Variants in OSBP2 observed in about 807,000 individuals in gnomAD.
OSBP2 encodes the protein oxysterol-binding protein 2.
Under a neutral mutation model 96.0 loss-of-function variants are expected in OSBP2, and 66 were observed. That is an observed-to-expected ratio of 0.69 (90% CI 0.56 to 0.84). OSBP2 has a LOEUF of 0.84. Ranked by LOEUF, OSBP2 falls within the 40% of genes least tolerant of loss-of-function variation. The probability of loss-of-function intolerance (pLI) is 0.00; values close to 1 mark genes in which losing one functional copy is unlikely to be tolerated. For synonymous variants in OSBP2, 525 were observed against 520.9 expected (o/e 1.01, Z -0.11); for missense variants, 1,038 against 1,222.7 (o/e 0.85, Z 2.25).
In OSBP2 at chr22:30,907,386, T is replaced by C. The variant is rs1016798542; in HGVS notation, c.*1047T>C. On this transcript the variant is annotated 3_prime_UTR_variant, in exon 14 of 14. Transcript: ENST00000332585. Reference sequence around the variant, plus strand: ...ATTTTGCTTAAATTTCTACAGTATGTAAAAGTGAAAAAATGATGAAGACGG... The same window carrying C: ...ATTTTGCTTAAATTTCTACAGTATGCAAAAGTGAAAAAATGATGAAGACGG... 6.7e-6 allele frequency: 1 copy of C among 148,498 alleles called. No individual in the cohort carries two copies. Among genetic ancestry groups the C allele is most frequent in the East Asian group, 1.9e-4 (1 of 5,186 alleles). The allele number at this position is 148,498 out of a possible 1,614,324, so 9.2% of individuals were successfully genotyped here. A position where few individuals can be genotyped will look rare whatever the true frequency, so the allele number is the denominator to read the frequency against.
chr22:30,901,960 T>A (rs1046175721), intron 12 of OSBP2, among the ~76,000 whole-genome samples: 1 of 152,142 alleles, frequency 6.6e-6, no homozygotes, highest in Non-Finnish European at 1.5e-5. Flanking sequence ...ACAGGACTTA[T>A]GCATGAGACT....
intron 2 of OSBP2, among the ~76,000 whole-genome samples, chr22:30,822,903 C>A (rs1015032178): frequency 1.3e-5 from 2 of 152,204 alleles, no homozygotes; most frequent in Non-Finnish European, 2.9e-5. Flanking sequence ...TTGCTTCACG[C>A]GCGGGGCATT....
chr22:30,806,414 G>A (rs574558672), intron 2 of OSBP2, among the ~76,000 whole-genome samples: 1 of 152,186 alleles, frequency 6.6e-6, no homozygotes, highest in Non-Finnish European at 1.5e-5. Context: ...CTGGTGTCAG[G>A]TACCTTCCCT....
At chr22:30,778,333 ACC>A (rs1555912376) in intron 2 of OSBP2, among the ~76,000 whole-genome samples, 5 of 148,800 alleles carry the variant, frequency 3.4e-5, no homozygotes, top group African/African-American at 1.0e-4. Flanking sequence ...ACACACACAC[ACC>A]CACTGACAGC....
At chr22:30,904,752 G>A (rs2040291842) in intron 12 of OSBP2, among the ~76,000 whole-genome samples, 1 of 152,080 alleles carries the variant, frequency 6.6e-6, no homozygotes, top group African/African-American at 2.4e-5. Context: ...CCCATATACT[G>A]GGCCATAAAG....
chr22:30,828,965 A>ACTC (rs2038463955), intron 2 of OSBP2, among the ~76,000 whole-genome samples: 1 of 152,120 alleles, frequency 6.6e-6, no homozygotes, highest in Admixed American at 6.5e-5. Flanking sequence ...TGCAGCAGAG[A>ACTC]AGAGGAGACC....
intron 1 of OSBP2, among the ~76,000 whole-genome samples, chr22:30,697,545 T>C (rs1458950335): frequency 6.6e-6 from 1 of 152,186 alleles, no homozygotes; most frequent in Non-Finnish European, 1.5e-5. Context: ...CCAAATCTTC[T>C]TTTCTTAAAA....
At chr22:30,777,453 A>G (rs1279439011) in intron 2 of OSBP2, among the ~76,000 whole-genome samples, 4 of 152,136 alleles carry the variant, frequency 2.6e-5, no homozygotes, top group African/African-American at 9.7e-5. Flanking sequence ...CGTGCCTTTT[A>G]CCTTCCACCA....
intron 1 of OSBP2, among the ~76,000 whole-genome samples, chr22:30,728,400 A>AC (rs893662433): frequency 1.3e-5 from 2 of 151,538 alleles, no homozygotes; most frequent in African/African-American, 4.9e-5. Flanking sequence ...GTCTCAAAAA[A>AC]AAAAAAAAAA....
chr22:30,838,987 ACCCTTCC>A (rs1569144967), intron 2 of OSBP2, among the ~76,000 whole-genome samples: 2 of 17,164 alleles, frequency 1.2e-4, no homozygotes, highest in African/African-American at 4.3e-4. Context: ...CCCTCCCCCC[ACCCTTCC>A]CCCCTCCCCC....
At chr22:30,701,951 C>T (rs922842086) in intron 1 of OSBP2, among the ~76,000 whole-genome samples, 1 of 152,158 alleles carries the variant, frequency 6.6e-6, no homozygotes, top group Non-Finnish European at 1.5e-5. Context: ...AATGGACTAG[C>T]AGCATATTTT....
chr22:30,849,055 C>G (rs528494254), intron 2 of OSBP2, among the ~76,000 whole-genome samples: 75 of 152,042 alleles, frequency 4.9e-4, no homozygotes, highest in Non-Finnish European at 4.9e-4. Flanking sequence ...TCACCTGAGG[C>G]CAAAACTTTG....
chr22:30,885,281 C>T (rs934134819), intron 3 of OSBP2, among the ~76,000 whole-genome samples: 3 of 152,048 alleles, frequency 2.0e-5, no homozygotes, highest in African/African-American at 7.2e-5. Context: ...GATGCAGATG[C>T]GGGCCAAGGA....
intron 2 of OSBP2, among the ~76,000 whole-genome samples, chr22:30,762,364 C>T (rs879530083): frequency 1.3e-5 from 2 of 151,928 alleles, no homozygotes; most frequent in Non-Finnish European, 2.9e-5. Flanking sequence ...CTGGCTAACA[C>T]GGTGTAACCC....
chr22:30,902,740 G>T, intron 12 of OSBP2: 2 of 464,620 alleles, frequency 4.3e-6, no homozygotes, highest in Non-Finnish European at 8.3e-6. Context: ...CTTCAGGGGT[G>T]CCAGACCCAG....
intron 1 of OSBP2, among the ~76,000 whole-genome samples, chr22:30,696,867 C>T (rs2089048998): frequency 6.6e-6 from 1 of 152,026 alleles, no homozygotes; most frequent in Non-Finnish European, 1.5e-5. Flanking sequence ...CCATGTTGCC[C>T]AGGCTGGTTT....
rs3804082 is a variant in OSBP2 at position 30,790,322 on chromosome 22, A to G, written c.853+48953A>G. On this transcript the variant is annotated intron_variant, in intron 2 of 13. Coordinates refer to ENST00000332585, the MANE Select transcript of OSBP2 (RefSeq NM_030758.4). Reference sequence around the variant, plus strand: ...TTAAGGAGGGGGGGGCGGGGAAAGCATAGAAAAGATTTGACAGCTTGAAAC... The same window carrying G: ...TTAAGGAGGGGGGGGCGGGGAAAGCGTAGAAAAGATTTGACAGCTTGAAAC... Among the ~76,000 whole-genome samples, 203 of 152,234 alleles carry G rather than the reference A, an allele frequency of 1.3e-3. 8 individuals are homozygous for G. In the East Asian group the frequency reaches 0.038, roughly 29 times the overall value.
chr22:30,894,831 G>A (rs1399762522), intron 12 of OSBP2, among the ~76,000 whole-genome samples: 2 of 152,150 alleles, frequency 1.3e-5, no homozygotes, highest in East Asian at 1.9e-4. Flanking sequence ...GATATCTTCC[G>A]TGAGTTGAAA....
chr22:30,745,546 A>T (rs977001365), intron 2 of OSBP2, among the ~76,000 whole-genome samples: 37 of 152,018 alleles, frequency 2.4e-4, no homozygotes, highest in Admixed American at 2.3e-3. Context: ...AGACGCCTGT[A>T]ATCCCAGCTA....
Sources: gnomAD v4.1 joint callset for allele counts (sites outside exome capture counted in the v4.1 genomes callset) on GRCh38, gnomAD v4.1.1 for gene constraint, MANE v1.5 for transcripts, NCBI Gene and HGNC (gene_info 2026-07-23, HGNC 2026-07-21) for gene names.